Variants in KCNH8 observed in about 807,000 individuals in gnomAD.
The protein encoded by KCNH8 is voltage-gated delayed rectifier potassium channel KCNH8.
In KCNH8, 70 loss-of-function variants were observed where a neutral mutation model predicts 103.6. The ratio of observed to expected loss-of-function variants is 0.68; its 90% CI spans 0.56 to 0.82. The LOEUF (loss-of-function observed/expected upper bound fraction) is 0.82. Ranked by LOEUF, KCNH8 falls within the 40% of genes least tolerant of loss-of-function variation. The pLI is 0.00. For synonymous variants in KCNH8, 498 were observed against 489.4 expected (o/e 1.02, Z -0.23); for missense variants, 1,217 against 1,329.9 (o/e 0.92, Z 1.32).
At chr3:19,264,033 C>T (rs1370427235) in intron 2 of KCNH8, among the ~76,000 whole-genome samples, 1 of 152,008 alleles carries the variant, frequency 6.6e-6, no homozygotes, top group Non-Finnish European at 1.5e-5. Context: ...TGAAGCCTTA[C>T]CTGAGACTTT....
chr3:19,481,791 G>T, intron 11 of KCNH8, among the ~76,000 whole-genome samples: 1 of 152,198 alleles, frequency 6.6e-6, no homozygotes, highest in East Asian at 1.9e-4. Context: ...TTCAGCTCAA[G>T]TAACAGCATT....
chr3:19,260,278 A>G (rs777601454), intron 2 of KCNH8, among the ~76,000 whole-genome samples: 7 of 151,126 alleles, frequency 4.6e-5, no homozygotes, highest in African/African-American at 9.7e-5. Context: ...GCAACACGCT[A>G]TGTTCATGCA....
At chr3:19,501,494 T>C (rs1334951984) in intron 11 of KCNH8, among the ~76,000 whole-genome samples, 1 of 152,204 alleles carries the variant, frequency 6.6e-6, no homozygotes, top group East Asian at 1.9e-4. Flanking sequence ...TTTAGACCAA[T>C]ATCCCTGATT....
chr3:19,338,196 A>G (rs1012571250), intron 3 of KCNH8, among the ~76,000 whole-genome samples: 1 of 151,888 alleles, frequency 6.6e-6, no homozygotes, highest in African/African-American at 2.4e-5. Flanking sequence ...CCTACCTTCT[A>G]GTTTCCCTTT....
intron 1 of KCNH8, among the ~76,000 whole-genome samples, chr3:19,191,579 A>T (rs78478870): frequency 0.047 from 7,122 of 151,708 alleles, 603 homozygotes; most frequent in African/African-American, 0.16. Context: ...TACTATGATT[A>T]TTCTTTTTTC....
At chr3:19,515,481 TAATGTTTGTTATGG>T in intron 14 of KCNH8, 53 bp downstream of exon 14, 1 of 905,922 alleles carries the variant, frequency 1.1e-6, no homozygotes, top group African/African-American at 2.1e-5. Flanking sequence ...TATTAACTTG[TAATGTTTGTTATGG>T]GCATTTTTTT....
intron 7 of KCNH8, among the ~76,000 whole-genome samples, chr3:19,436,368 T>C (rs1210828870): frequency 6.6e-6 from 1 of 152,198 alleles, no homozygotes; most frequent in Non-Finnish European, 1.5e-5. Flanking sequence ...AAAAAAATGA[T>C]TGGATTCCAA....
chr3:19,457,059 G>A (rs1182881316), intron 11 of KCNH8, 77 bp downstream of exon 11: 3 of 926,862 alleles, frequency 3.2e-6, no homozygotes, highest in African/African-American at 1.7e-5. Context: ...AAAGGCAGAT[G>A]TCATGACCTC....
Position 19,533,957 on chromosome 3 carries a change from G to A in KCNH8, c.3182G>A (p.Ser1061Asn). The change falls in exon 16 of 16, where the codon AGT becomes AAT. Residue 1061 changes from serine to asparagine, a missense_variant. Around this residue, in one of 3 missense-constraint regions of KCNH8, gnomAD observed 558 missense variants for 495.8 expected, o/e 1.13. Coordinates refer to ENST00000328405, the MANE Select transcript of KCNH8 (RefSeq NM_144633.3). Reference protein sequence around the residue: ...EEGSFSQGTVSSFSLENLPGS... With the variant: ...EEGSFSQGTVNSFSLENLPGS... ...GGCAGCTTCAGTCAGGGAACTGTGAGTTCCTTCAGTCTGGAAAACTTACCA... is the reference window on the plus strand; with the variant it reads ...GGCAGCTTCAGTCAGGGAACTGTGAATTCCTTCAGTCTGGAAAACTTACCA... 6.2e-7 allele frequency: 1 copy of A among 1,614,154 alleles called. No homozygotes were observed. The highest frequency in any genetic ancestry group is 8.5e-7 in the Non-Finnish European group (1 of 1,180,008).
intron 2 of KCNH8, among the ~76,000 whole-genome samples, chr3:19,258,459 T>A (rs1297625636): frequency 6.6e-6 from 1 of 151,938 alleles, no homozygotes; most frequent in African/African-American, 2.4e-5. Context: ...AAATATACTG[T>A]AATGTGTGGA....
At chr3:19,372,446 T>A (rs539200672) in intron 5 of KCNH8, among the ~76,000 whole-genome samples, 3 of 151,532 alleles carry the variant, frequency 2.0e-5, no homozygotes, top group South Asian at 4.2e-4. Flanking sequence ...TGCTTGTGAT[T>A]TTTGTACATT....
At chr3:19,507,866 A>G (rs572871232) in intron 11 of KCNH8, among the ~76,000 whole-genome samples, 1 of 152,278 alleles carries the variant, frequency 6.6e-6, no homozygotes, top group African/African-American at 2.4e-5. Context: ...CTGTGGGAGC[A>G]CTGTCCCAGG....
intron 7 of KCNH8, among the ~76,000 whole-genome samples, chr3:19,413,897 A>G (rs562915503): frequency 3.1e-4 from 47 of 152,240 alleles, no homozygotes; most frequent in African/African-American, 1.1e-3. Flanking sequence ...ACATAATATG[A>G]CATTTTAATC....
At chr3:19,209,565 C>A (rs900625298) in intron 1 of KCNH8, among the ~76,000 whole-genome samples, 3 of 152,058 alleles carry the variant, frequency 2.0e-5, no homozygotes, top group African/African-American at 7.2e-5. Flanking sequence ...GCATTCAAAC[C>A]AGTCATGTAG....
intron 1 of KCNH8, among the ~76,000 whole-genome samples, chr3:19,251,763 A>G (rs956952238): frequency 2.6e-5 from 4 of 152,162 alleles, no homozygotes; most frequent in Admixed American, 2.0e-4. Context: ...AGTAGGGTAT[A>G]TGGGAAAAAT....
At chr3:19,299,989 C>T (rs1438119073) in intron 3 of KCNH8, among the ~76,000 whole-genome samples, 1 of 152,054 alleles carries the variant, frequency 6.6e-6, no homozygotes, top group African/African-American at 2.4e-5. Flanking sequence ...TAGCTCACGC[C>T]TGTAATCCCA....
intron 1 of KCNH8, among the ~76,000 whole-genome samples, chr3:19,206,142 G>C (rs1213705113): frequency 1.5e-5 from 2 of 133,090 alleles, no homozygotes; most frequent in Non-Finnish European, 3.0e-5. Flanking sequence ...TGTCATTAAT[G>C]GTATATATAT....
intron 11 of KCNH8, among the ~76,000 whole-genome samples, chr3:19,479,594 C>T (rs2068046408): frequency 1.3e-5 from 2 of 152,094 alleles, no homozygotes; most frequent in African/African-American, 4.8e-5. Flanking sequence ...TTACTGTTCC[C>T]ATTACCACCT....
intron 1 of KCNH8, among the ~76,000 whole-genome samples, chr3:19,164,382 A>G (rs755484797): frequency 2.2e-4 from 33 of 152,218 alleles, no homozygotes; most frequent in Non-Finnish European, 4.1e-4. Flanking sequence ...TTAACATTTA[A>G]TAAGCAAATT....
Sources: allele counts gnomAD v4.1 joint callset (sites outside exome capture counted in the v4.1 genomes callset), GRCh38; gene constraint gnomAD v4.1.1; regional missense constraint gnomAD v4.1.1; transcripts MANE v1.5; gene names NCBI Gene and HGNC (gene_info 2026-07-23, HGNC 2026-07-21).